Variants in SPRY3 observed in about 807,000 individuals in gnomAD.
SPRY3 encodes the protein sprouty RTK signaling antagonist 3.
SPRY3 carries 15 observed loss-of-function variants against 20.2 expected under a neutral mutation model. The observed-to-expected ratio is 0.74, with a 90% CI of 0.50 to 1.14. SPRY3 has a LOEUF of 1.14. Ranked by LOEUF, SPRY3 falls within the 50% of genes most tolerant of loss-of-function variation. The probability of loss-of-function intolerance (pLI) is 0.00; values close to 1 mark genes in which losing one functional copy is unlikely to be tolerated. For missense variants in SPRY3, 364 were observed against 363.9 expected (o/e 1.00, Z 0.00); for synonymous variants, 143 against 136.5 (o/e 1.05, Z -0.33).
chrX:155,684,950 G>A (rs1020843250), intron 2 of SPRY3, among the ~76,000 whole-genome samples: 1 of 111,488 alleles, frequency 9.0e-6, no homozygotes. Flanking sequence ...TCTGGGCCCC[G>A]TGCTTTTGAA....
chrX:155,659,261 C>T (rs782189886), intron 2 of SPRY3, among the ~76,000 whole-genome samples: 7 of 109,811 alleles, frequency 6.4e-5, no homozygotes, highest in African/African-American at 2.0e-4. Context: ...TCTACTGCCT[C>T]AGCCTCCCAA....
At chrX:155,720,569 T>C (rs1212720878) in intron 2 of SPRY3, among the ~76,000 whole-genome samples, 1 of 152,148 alleles carries the variant, frequency 6.6e-6, no homozygotes, top group Non-Finnish European at 1.5e-5. Context: ...GCTTGTGTCA[T>C]GCCACCCCCA....
At chrX:155,780,511 A>T (rs1603016320), downstream of SPRY3, 2 of 167,006 alleles carry the variant, frequency 1.2e-5, no homozygotes, top group South Asian at 4.1e-4. Context: ...ATTTTTTTTA[A>T]TATCTACCAA....
intron 2 of SPRY3, among the ~76,000 whole-genome samples, chrX:155,736,621 T>C (rs999328067): frequency 4.4e-4 from 67 of 152,062 alleles, no homozygotes; most frequent in Non-Finnish European, 1.2e-4. Flanking sequence ...TTTCTCTTTA[T>C]CTTTGCTTTC....
At chrX:155,697,170 C>T (rs1176383632) in intron 2 of SPRY3, among the ~76,000 whole-genome samples, 1 of 111,152 alleles carries the variant, frequency 9.0e-6, no homozygotes, top group Non-Finnish European at 1.9e-5. Context: ...ATGAGGTTAG[C>T]ATTAGAATTG....
At chrX:155,624,530 A>G (rs1225514100) in intron 1 of SPRY3, among the ~76,000 whole-genome samples, 4 of 108,000 alleles carry the variant, frequency 3.7e-5, no homozygotes, top group African/African-American at 1.4e-4. Context: ...CTATCTATCT[A>G]TCTATCTATC....
chrX:155,716,276 T>C (rs1348846410), intron 2 of SPRY3, among the ~76,000 whole-genome samples: 1 of 152,220 alleles, frequency 6.6e-6, no homozygotes, highest in Non-Finnish European at 1.5e-5. Context: ...TACAGCAGTT[T>C]TTCTTTTGGG....
At chrX:155,711,182 A>G (rs2090983737) in intron 2 of SPRY3, among the ~76,000 whole-genome samples, 1 of 151,882 alleles carries the variant, frequency 6.6e-6, no homozygotes, top group South Asian at 2.1e-4. Flanking sequence ...TCATAGAATG[A>G]GTTTAGAAGT....
intron 1 of SPRY3, among the ~76,000 whole-genome samples, chrX:155,642,365 C>A (rs908475414): frequency 9.0e-6 from 1 of 111,324 alleles, no homozygotes; most frequent in Non-Finnish European, 1.9e-5. Context: ...TTATTTGGGT[C>A]TTCTCTTTTT....
At position 155,745,981 on chromosome X, in the gene SPRY3, A is replaced by G. The variant is rs749496789; in HGVS notation, c.-281-21981A>G. 2.0e-4 allele frequency among the ~76,000 whole-genome samples: 31 copies of G among 152,002 alleles called. No homozygotes were observed. In the South Asian group the frequency reaches 6.3e-3, roughly 31 times the overall value. On this transcript the variant is annotated intron_variant, in intron 2 of 3. Coordinates refer to ENST00000675360, the Ensembl canonical transcript of SPRY3. ...GTCCAAACTGCATGACTGCACAAAC[A>G]CTGTAACTGCTCTGTATTCAGACAC...
chrX:155,719,700 G>A (rs773788431), intron 2 of SPRY3, among the ~76,000 whole-genome samples: 1 of 152,102 alleles, frequency 6.6e-6, no homozygotes, highest in African/African-American at 2.4e-5. Flanking sequence ...GCTCCCAGAC[G>A]ACAATACTAG....
At chrX:155,715,717 G>C (rs747291018) in intron 2 of SPRY3, among the ~76,000 whole-genome samples, 1 of 152,256 alleles carries the variant, frequency 6.6e-6, no homozygotes, top group African/African-American at 2.4e-5. Flanking sequence ...GGCAAGGCTT[G>C]ACAAGAAACC....
intron 2 of SPRY3, among the ~76,000 whole-genome samples, chrX:155,722,262 C>T (rs775148952): frequency 2.0e-5 from 3 of 152,214 alleles, no homozygotes; most frequent in South Asian, 4.2e-4. Context: ...GTGGCTCACG[C>T]CTGTAATCTC....
At chrX:155,646,968 C>A (rs1389257124) in intron 1 of SPRY3, among the ~76,000 whole-genome samples, 3 of 111,521 alleles carry the variant, frequency 2.7e-5, no homozygotes, top group Non-Finnish European at 5.7e-5. Flanking sequence ...ACATTTTTTT[C>A]TCCACCTAGT....
At chrX:155,709,427 C>T (rs2090972061) in intron 2 of SPRY3, among the ~76,000 whole-genome samples, 1 of 151,678 alleles carries the variant, frequency 6.6e-6, no homozygotes, top group Non-Finnish European at 1.5e-5. Context: ...TGATGCTGAG[C>T]CCTTTTTCAT....
intron 2 of SPRY3, among the ~76,000 whole-genome samples, chrX:155,668,618 A>G (rs2068031498): frequency 2.7e-5 from 3 of 110,894 alleles, no homozygotes; most frequent in Non-Finnish European, 5.7e-5. Context: ...TAATTCTTAT[A>G]TTACATTTCT....
chrX:155,773,843 A>G (rs1216376184), exon 4 of SPRY3: 2 of 1,600,264 alleles, frequency 1.2e-6, no homozygotes, highest in Middle Eastern at 1.7e-4. Flanking sequence ...CTGACTTAAA[A>G]CCACTCAGAG....
intron 1 of SPRY3, among the ~76,000 whole-genome samples, chrX:155,624,329 T>C (rs1015556273): frequency 3.6e-5 from 4 of 111,961 alleles, no homozygotes; most frequent in South Asian, 3.6e-4. Context: ...CCTGAGCATA[T>C]CTACAAATCT....
At chrX:155,729,232 C>A (rs1322455011) in intron 2 of SPRY3, among the ~76,000 whole-genome samples, 1 of 152,154 alleles carries the variant, frequency 6.6e-6, no homozygotes, top group African/African-American at 2.4e-5. Context: ...ATTTACAGAA[C>A]ATTTGATTCA....
Sources: allele counts gnomAD v4.1 joint callset (sites outside exome capture counted in the v4.1 genomes callset), GRCh38; gene constraint gnomAD v4.1.1; transcripts MANE v1.5; gene names NCBI Gene and HGNC (gene_info 2026-07-23, HGNC 2026-07-21).